Variants in SAMD5 observed in about 807,000 individuals in gnomAD.
The protein encoded by SAMD5 is sterile alpha motif domain-containing protein 5.
A neutral mutation model predicts 11.3 loss-of-function variants in SAMD5; 13 were observed. The ratio of observed to expected loss-of-function variants is 1.15; its 90% CI spans 0.75 to 1.83. SAMD5 has a LOEUF of 1.83. Among genes scored for constraint, SAMD5 ranks in the 40% most tolerant of loss-of-function variants. The pLI, the probability that SAMD5 is intolerant of heterozygous loss-of-function variation, is 0.00. For missense variants in SAMD5, 255 were observed against 239.1 expected (o/e 1.07, Z -0.44); for synonymous variants, 129 against 111.3 (o/e 1.16, Z -1.00).
chr6:147,950,901 C>G, the SAMD5 span, among the ~76,000 whole-genome samples: 4,144 of 151,960 alleles, frequency 0.027, 85 homozygotes, highest in Non-Finnish European at 0.043. Flanking sequence ...CTCGCCTCCA[C>G]ATCTTTCTCT....
At chr6:147,780,457 C>T in the SAMD5 span, among the ~76,000 whole-genome samples, 1 of 152,192 alleles carries the variant, frequency 6.6e-6, no homozygotes, top group African/African-American at 2.4e-5. Flanking sequence ...ATCCGCCCAT[C>T]TTGGCATCCC....
At chr6:147,787,144 G>T in the SAMD5 span, among the ~76,000 whole-genome samples, 1 of 152,170 alleles carries the variant, frequency 6.6e-6, no homozygotes, top group African/African-American at 2.4e-5. Context: ...CCTACAATTT[G>T]TGGGGTGGGC....
At chr6:147,642,794 T>A (rs1206260915) in intron 1 of SAMD5, among the ~76,000 whole-genome samples, 1 of 152,194 alleles carries the variant, frequency 6.6e-6, no homozygotes, top group Non-Finnish European at 1.5e-5. Context: ...TCTGTAAACA[T>A]TCTGTCTAAG....
At chr6:147,665,768 G>T (rs1790708429) in intron 1 of SAMD5, among the ~76,000 whole-genome samples, 1 of 152,244 alleles carries the variant, frequency 6.6e-6, no homozygotes, top group Admixed American at 6.5e-5. Flanking sequence ...CTGCAAAATT[G>T]AGTAAGATAG....
the SAMD5 span, among the ~76,000 whole-genome samples, chr6:147,747,541 G>C: frequency 6.6e-6 from 1 of 152,054 alleles, no homozygotes; most frequent in Non-Finnish European, 1.5e-5. Flanking sequence ...TTGAGACGGG[G>C]TCTCTATCAC....
chr6:147,816,301 A>AAAAAAAAAAAAAAATAT, the SAMD5 span, among the ~76,000 whole-genome samples: 2 of 66,354 alleles, frequency 3.0e-5, no homozygotes, highest in African/African-American at 1.0e-4. Context: ...AAAAAAAAAA[A>AAAAAAAAAAAAAAATAT]ATATATATAT....
the SAMD5 span, among the ~76,000 whole-genome samples, chr6:147,758,626 C>A: frequency 1.3e-5 from 2 of 152,214 alleles, no homozygotes; most frequent in Non-Finnish European, 2.9e-5. Context: ...TTAACCAATT[C>A]TCTACCCAGC....
downstream of SAMD5, among the ~76,000 whole-genome samples, chr6:147,572,960 G>T (rs931978972): frequency 2.0e-5 from 3 of 152,188 alleles, no homozygotes; most frequent in Non-Finnish European, 4.4e-5. Flanking sequence ...GCAAAAAAGA[G>T]TGAAGTAGTT....
At chr6:147,706,236 T>C (rs2128458200) in intron 1 of SAMD5, among the ~76,000 whole-genome samples, 1 of 152,282 alleles carries the variant, frequency 6.6e-6, no homozygotes, top group Non-Finnish European at 1.5e-5. Context: ...TTTTTGTTTT[T>C]TTCGAGACGG....
intron 1 of SAMD5, among the ~76,000 whole-genome samples, chr6:147,599,506 T>A (rs1304620145): frequency 1.2e-4 from 18 of 152,188 alleles, no homozygotes; most frequent in Non-Finnish European, 5.9e-5. Context: ...ATTTTTAAAA[T>A]TTTTTTAAAT....
the SAMD5 span, among the ~76,000 whole-genome samples, chr6:147,825,296 C>G: frequency 6.6e-6 from 1 of 151,766 alleles, no homozygotes; most frequent in African/African-American, 2.4e-5. Flanking sequence ...GACTCCGTCT[C>G]AAAAAACAAA....
intron 1 of SAMD5, among the ~76,000 whole-genome samples, chr6:147,531,173 T>G (rs1788425504): frequency 8.7e-6 from 1 of 115,388 alleles, no homozygotes; most frequent in Non-Finnish European, 1.8e-5. Context: ...TTTTTTTTTG[T>G]CAATTTTAGA....
At chr6:147,719,837 A>T (rs897040030) in intron 1 of SAMD5, among the ~76,000 whole-genome samples, 17 of 152,210 alleles carry the variant, frequency 1.1e-4, no homozygotes, top group African/African-American at 3.9e-4. Flanking sequence ...CTAATCCTTC[A>T]TATAACTATG....
intron 1 of SAMD5, among the ~76,000 whole-genome samples, chr6:147,672,636 T>G (rs1790810443): frequency 6.6e-6 from 1 of 152,042 alleles, no homozygotes; most frequent in African/African-American, 2.4e-5. Flanking sequence ...AAAATCAGTC[T>G]CCTTATAATA....
chr6:147,900,426 C>T, the SAMD5 span, among the ~76,000 whole-genome samples: 111 of 152,268 alleles, frequency 7.3e-4, no homozygotes, highest in African/African-American at 2.3e-3. Flanking sequence ...TTGCTGGAGA[C>T]GCAAAAGTGT....
At chr6:147,557,461 A>C (rs1051203353) in intron 1 of SAMD5, among the ~76,000 whole-genome samples, 3 of 151,630 alleles carry the variant, frequency 2.0e-5, no homozygotes, top group African/African-American at 7.3e-5. Context: ...TCTAGGGGAG[A>C]CTCTTTCCTT....
intron 1 of SAMD5, among the ~76,000 whole-genome samples, chr6:147,625,088 C>T (rs902032050): frequency 6.6e-6 from 1 of 152,088 alleles, no homozygotes; most frequent in Non-Finnish European, 1.5e-5. Context: ...TTGTTCCAGA[C>T]CAGTTAGTCG....
downstream of SAMD5, among the ~76,000 whole-genome samples, chr6:147,741,167 T>G (rs1463319958): frequency 6.6e-6 from 1 of 152,008 alleles, no homozygotes; most frequent in Non-Finnish European, 1.5e-5. Context: ...CTACTAGAGG[T>G]AAAGACATGA....
At chr6:147,804,664 C>T in the SAMD5 span, among the ~76,000 whole-genome samples, 2 of 151,962 alleles carry the variant, frequency 1.3e-5, no homozygotes, top group Non-Finnish European at 2.9e-5. Context: ...GCAAAAAAAT[C>T]AAAAAGCGGA....
Sources: allele counts gnomAD v4.1 joint callset (sites outside exome capture counted in the v4.1 genomes callset), GRCh38; gene constraint gnomAD v4.1.1; transcripts MANE v1.5; gene names NCBI Gene and HGNC (gene_info 2026-07-23, HGNC 2026-07-21).